Variants in PHC3 observed in about 807,000 individuals in gnomAD.
The protein encoded by PHC3 is polyhomeotic homolog 3.
In PHC3, 13 loss-of-function variants were observed where a neutral mutation model predicts 107.4. The ratio of observed to expected loss-of-function variants is 0.12; its 90% confidence interval spans 0.08 to 0.19. The LOEUF (loss-of-function observed/expected upper bound fraction) is 0.19. Ranked by LOEUF, PHC3 falls within the 10% of genes least tolerant of loss-of-function variation. The pLI, the probability that PHC3 is intolerant of heterozygous loss-of-function variation, is 1.00. For synonymous variants in PHC3, 456 were observed against 427.4 expected (o/e 1.07, Z -0.83); for missense variants, 992 against 1,210.9 (o/e 0.82, Z 2.68).
intron 8 of PHC3, among the ~76,000 whole-genome samples, chr3:170,125,638 CA>C (rs1721126846): frequency 6.6e-6 from 1 of 152,112 alleles, no homozygotes; most frequent in Admixed American, 6.5e-5. Context: ...AGCCATAACA[CA>C]AATAGCATAT....
intron 11 of PHC3, among the ~76,000 whole-genome samples, chr3:170,112,104 C>T (rs1717909877): frequency 6.6e-6 from 1 of 152,154 alleles, no homozygotes. Context: ...ACAGTAAAAA[C>T]TTTGCTGCTT....
chr3:170,138,102 T>C (rs1001716245), intron 6 of PHC3, among the ~76,000 whole-genome samples: 4 of 151,580 alleles, frequency 2.6e-5, no homozygotes, highest in Non-Finnish European at 5.9e-5. Flanking sequence ...GGCTGAGGCA[T>C]GAACTGCTTG....
chr3:170,160,910 A>G (rs1577217960), intron 4 of PHC3, among the ~76,000 whole-genome samples: 1 of 152,322 alleles, frequency 6.6e-6, no homozygotes, highest in East Asian at 1.9e-4. Context: ...CAGTCTCAAA[A>G]AAACAAAAAA....
intron 12 of PHC3, among the ~76,000 whole-genome samples, chr3:170,106,352 A>G (rs1716516641): frequency 6.6e-6 from 1 of 152,250 alleles, no homozygotes; most frequent in African/African-American, 2.4e-5. Flanking sequence ...GCTGTCCCAT[A>G]AGAAATCTAA....
chr3:170,175,269 T>C (rs576721089), intron 2 of PHC3, among the ~76,000 whole-genome samples: 1 of 152,314 alleles, frequency 6.6e-6, no homozygotes, highest in South Asian at 2.1e-4. Context: ...ATGAGATATA[T>C]CTACATCTAC....
chr3:170,151,696 C>T (rs1042079531), intron 4 of PHC3, among the ~76,000 whole-genome samples: 5 of 152,200 alleles, frequency 3.3e-5, no homozygotes, highest in East Asian at 1.9e-4. Flanking sequence ...TCCACCCATA[C>T]GTTCTGAGAA....
intron 7 of PHC3, among the ~76,000 whole-genome samples, chr3:170,129,912 C>T (rs1721973256): frequency 6.6e-6 from 1 of 152,194 alleles, no homozygotes; most frequent in Non-Finnish European, 1.5e-5. Context: ...GTTGGCCAGG[C>T]TGGTCTTGAA....
Position 170,136,424 on chromosome 3 carries a change from G to A in PHC3, c.914C>T (p.Ala305Val). 6.2e-7 allele frequency: 1 copy of A among 1,610,558 alleles called. No individual in the cohort carries two copies. The highest frequency in any genetic ancestry group is 8.5e-7 in the Non-Finnish European group (1 of 1,178,854). ...CAACAAAAGTTTTATCCCACCTGGT[G>A]CTATTAACTGGTGAATACTTGATGT... is the stretch of plus-strand genomic sequence containing the variant. The part of the protein sequence containing the change: ...TRTSSIHQLI[A>V]PASYSPIQPH... Residue 305 changes from alanine to valine, a missense_variant, in exon 7 of 15, where the codon GCA becomes GTA. Around this residue, in one of 6 missense-constraint regions of PHC3, gnomAD observed 543 missense variants for 590.8 expected, o/e 0.92. Transcript: ENST00000495893.
At chr3:170,119,036 T>TAAAAAAAAAAAAAAAAAAA (rs1002478959) in intron 9 of PHC3, among the ~76,000 whole-genome samples, 6 of 72,642 alleles carry the variant, frequency 8.3e-5, no homozygotes, top group East Asian at 7.0e-4. Flanking sequence ...TATAAAAAGC[T>TAAAAAAAAAAAAAAAAAAA]AAAAAAAAAA....
chr3:170,149,777 A>G (rs1281403836), intron 4 of PHC3: 1 of 152,226 alleles, frequency 6.6e-6, no homozygotes, highest in African/African-American at 2.4e-5. Flanking sequence ...GGATAGCTAC[A>G]ACGTGTTTCA....
At chr3:170,150,174 A>T (rs1374243311) in intron 4 of PHC3, among the ~76,000 whole-genome samples, 2 of 152,194 alleles carry the variant, frequency 1.3e-5, no homozygotes, top group Non-Finnish European at 2.9e-5. Context: ...CCTAATCAAC[A>T]GTTTATTCTG....
chr3:170,103,012 G>A (rs2108272928), intron 12 of PHC3, 78 bp from the exon 13 acceptor site: 4 of 1,390,648 alleles, frequency 2.9e-6, no homozygotes, highest in African/African-American at 1.4e-5. Flanking sequence ...ACTTTAAAGT[G>A]CAACTGTGAA....
chr3:170,106,837 G>T lies in PHC3; in HGVS notation c.2463C>A (p.Ala821=). Residue 821 remains alanine, a synonymous_variant, in exon 12 of 15, where the codon GCC becomes GCA. Transcript: ENST00000495893. The part of the protein sequence containing the change: ...RSKRFCTMSC[A]KRYNVSCSKK... Reference sequence around the variant, plus strand: ...ATTCAAGAGCACAGAAATACCTTTTGGCACATGACATAGTGCAGAATCGTT... The same window carrying T: ...ATTCAAGAGCACAGAAATACCTTTTTGCACATGACATAGTGCAGAATCGTT... The T allele has an allele frequency of 6.2e-7, 1 of 1,601,410 alleles. No individual in the cohort carries two copies. The highest frequency in any genetic ancestry group is 1.3e-5 in the African/African-American group (1 of 74,322).
rs186097429 is a variant in PHC3, at chr3:170,106,915, G to C, written c.2385C>G (p.Leu795=). The change falls in exon 12 of 15, where the codon CTC becomes CTG. Residue 795 remains leucine, a synonymous_variant. Coordinates refer to ENST00000495893, the MANE Select transcript of PHC3 (RefSeq NM_024947.4). ...CCATTTTCCCACAGAATTCACACTTGAGCAACTCACTGTCCATTTCTTCTA... is the reference window on the plus strand; with the variant it reads ...CCATTTTCCCACAGAATTCACACTTCAGCAACTCACTGTCCATTTCTTCTA... ...ETLEEMDSEL[L]KCEFCGKMGY... 2 of 1,611,152 alleles carry C rather than the reference G, an allele frequency of 1.2e-6. No homozygotes were observed. The highest frequency in any genetic ancestry group is 2.2e-5 in the South Asian group (2 of 90,658).
chr3:170,127,023 T>C (rs1245537825), intron 8 of PHC3, among the ~76,000 whole-genome samples: 1 of 152,020 alleles, frequency 6.6e-6, no homozygotes, highest in African/African-American at 2.4e-5. Flanking sequence ...ACCAAATCAC[T>C]GAACTAGGTA....
intron 4 of PHC3, among the ~76,000 whole-genome samples, chr3:170,163,754 T>C (rs2108689065): frequency 6.7e-6 from 1 of 150,210 alleles, no homozygotes; most frequent in East Asian, 2.0e-4. Context: ...TCCCAGCTAT[T>C]CGGGAGGCTG....
chr3:170,098,116 A>G (rs1410001393), intron 14 of PHC3, among the ~76,000 whole-genome samples: 1 of 152,180 alleles, frequency 6.6e-6, no homozygotes, highest in Non-Finnish European at 1.5e-5. Flanking sequence ...CTCTCAGTCT[A>G]AACCAGGTGC....
intron 7 of PHC3, among the ~76,000 whole-genome samples, chr3:170,131,308 C>A (rs58725085): frequency 0.025 from 3,756 of 152,172 alleles, 142 homozygotes; most frequent in African/African-American, 0.085. Flanking sequence ...TTAACAAAAT[C>A]TTGGATTTCT....
chr3:170,114,896 C>T (rs1424244111), intron 10 of PHC3, among the ~76,000 whole-genome samples: 1 of 152,078 alleles, frequency 6.6e-6, no homozygotes, highest in African/African-American at 2.4e-5. Flanking sequence ...ACATTTTGTT[C>T]ATTTGAGTTA....
Sources: gnomAD v4.1 joint callset for allele counts (sites outside exome capture counted in the v4.1 genomes callset) on GRCh38, gnomAD v4.1.1 for gene constraint, gnomAD v4.1.1 regional missense constraint, MANE v1.5 for transcripts, NCBI Gene and HGNC (gene_info 2026-07-23, HGNC 2026-07-21) for gene names.